GALNT6: variants seen among roughly 807,000 people sequenced by gnomAD.
GALNT6 encodes the protein GalNAc transferase 6.
Under a neutral mutation model 65.9 loss-of-function variants are expected in GALNT6, and 51 were observed. The observed-to-expected ratio is 0.77, with a 90% confidence interval of 0.62 to 0.98. The LOEUF (loss-of-function observed/expected upper bound fraction) is 0.98. GALNT6 is among the 50% of genes least tolerant of loss of function. The pLI is 0.00. For synonymous variants in GALNT6, 323 were observed against 315.1 expected (o/e 1.02, Z -0.26); for missense variants, 708 against 803.3 (o/e 0.88, Z 1.43).
chr12:51,366,184 C>T (rs1947098001), intron 4 of GALNT6, among the ~76,000 whole-genome samples: 1 of 152,222 alleles, frequency 6.6e-6, no homozygotes, highest in African/African-American at 2.4e-5. Context: ...TCCCAAAGTT[C>T]TGGGATTACA....
At chr12:51,367,126 G>A (rs910817117) in intron 4 of GALNT6, among the ~76,000 whole-genome samples, 3 of 152,076 alleles carry the variant, frequency 2.0e-5, no homozygotes, top group Non-Finnish European at 2.9e-5. Context: ...AGCTGGGCAC[G>A]CATGCTTGTA....
At chr12:51,371,861 T>C (rs1947303919) in intron 4 of GALNT6, among the ~76,000 whole-genome samples, 1 of 151,802 alleles carries the variant, frequency 6.6e-6, no homozygotes, top group Admixed American at 6.6e-5. Context: ...ACAGTCCTGT[T>C]TGTGTGTGTG....
chr12:51,374,427 G>C (rs1006545473), intron 4 of GALNT6, among the ~76,000 whole-genome samples: 1 of 152,178 alleles, frequency 6.6e-6, no homozygotes, highest in African/African-American at 2.4e-5. Context: ...TCTTCCCTGG[G>C]AAGATGTGAG....
In GALNT6 at chr12:51,364,302, T is replaced by C; in HGVS notation, c.868A>G (p.Lys290Glu). 6.2e-7 allele frequency: 1 copy of C among 1,614,206 alleles called. No homozygotes were observed. Among genetic ancestry groups the C allele is most frequent in the Non-Finnish European group, 8.5e-7 (1 of 1,180,030 alleles). ...ATGTCTGGGCTCACCACCACTGTCT[T>C]GTCCTCAGCGATTCGAGCCAGGAGG... Reference protein sequence around the residue: ...EPLLARIAEDKTVVVSPDIVT... With the variant: ...EPLLARIAEDETVVVSPDIVT... The change falls in exon 6 of 12, where the codon AAG becomes GAG. Residue 290 changes from lysine (K) to glutamate (E), a missense_variant. Coordinates refer to ENST00000356317, the MANE Select transcript of GALNT6 (RefSeq NM_007210.4).
At chr12:51,389,896 C>T (rs1244807910) in intron 2 of GALNT6, among the ~76,000 whole-genome samples, 2 of 152,186 alleles carry the variant, frequency 1.3e-5, no homozygotes, top group Non-Finnish European at 2.9e-5. Flanking sequence ...TCAGCTGTTC[C>T]ACCCACTGTA....
Position 51,379,349 on chromosome 12 carries a change from A to C in GALNT6, c.433T>G (p.Phe145Val). The C allele has an allele frequency of 1.3e-6, 2 of 1,540,398 alleles. No individual in the cohort carries two copies. The highest frequency in any genetic ancestry group is 1.7e-6 in the Non-Finnish European group (2 of 1,147,316). ...TGCAGGGAGATCCGGTCGCTGGCAA[A>C]GGCATTGAAACAGTGCTTCTTATAG... is the stretch of plus-strand genomic sequence containing the variant. ...EGYKKHCFNA[F>V]ASDRISLQRS... is the part of the protein sequence containing the mutation. Residue 145 changes from phenylalanine (F) to valine (V), a missense_variant, in exon 3 of 12, where the codon TTT becomes GTT. By Grantham distance (50) the Phe-to-Val change is conservative. Coordinates refer to ENST00000356317, the MANE Select transcript of GALNT6 (RefSeq NM_007210.4).
At chr12:51,390,156 C>CTTTTTTTT (rs796243349) in intron 2 of GALNT6, among the ~76,000 whole-genome samples, 1 of 116,302 alleles carries the variant, frequency 8.6e-6, no homozygotes, top group Non-Finnish European at 1.7e-5. Flanking sequence ...TTCTTTCTTT[C>CTTTTTTTT]TTTTTTTTTT....
intron 4 of GALNT6, among the ~76,000 whole-genome samples, chr12:51,376,620 C>T (rs906407325): frequency 5.8e-5 from 7 of 120,698 alleles, no homozygotes; most frequent in Admixed American, 3.0e-4. Flanking sequence ...GCAACAAGAG[C>T]GAAACTCCAT....
intron 2 of GALNT6, chr12:51,382,270 T>A (rs1341927420): frequency 6.6e-6 from 1 of 152,086 alleles, no homozygotes; most frequent in African/African-American, 2.4e-5. Context: ...CCCTCAAGGA[T>A]CCTACAGTCA....
At chr12:51,391,247 G>A (rs904246151) in intron 1 of GALNT6, 40 bp downstream of exon 1, 2 of 153,082 alleles carry the variant, frequency 1.3e-5, no homozygotes, top group African/African-American at 4.8e-5. Context: ...GTGAGGGGAA[G>A]AGGGTGTGGA....
rs554661184 is a variant in GALNT6, at chr12:51,375,437, C to T, written c.664+1758G>A. Among the ~76,000 whole-genome samples, 5 of 152,272 alleles carry T rather than the reference C, an allele frequency of 3.3e-5. No individual in the cohort carries two copies. The South Asian group carries it at 1.0e-3, about 32-fold the overall frequency. ...ACTCCATGGTGCATTGTTCTCGTAC[C>T]ATGAATAAAATGGAATGCATGCTTG... On this transcript the variant is annotated intron_variant, in intron 4 of 11. Transcript: ENST00000356317.
Position 51,373,279 on chromosome 12 carries a change from G to A in GALNT6, c.664+3916C>T, listed in dbSNP as rs150849652. On this transcript the variant is annotated intron_variant, in intron 4 of 11. Transcript: ENST00000356317. ...CCTCACCCAAATCTCATCTTGAGTC[G>A]TAGGTCCCATAATCCCCACATGTGA... 7.5e-3 allele frequency among the ~76,000 whole-genome samples: 1,145 copies of A among 152,248 alleles called. 12 individuals carry two copies. Among genetic ancestry groups the A allele is most frequent in the African/African-American group, 0.026 (1,098 of 41,534 alleles).
chr12:51,365,150 G>A (rs1172982044), intron 5 of GALNT6, among the ~76,000 whole-genome samples: 2 of 152,212 alleles, frequency 1.3e-5, no homozygotes, highest in African/African-American at 2.4e-5. Flanking sequence ...AGGTGCAGAT[G>A]GGAGTACAGG....
At position 51,364,159 on chromosome 12, in the gene GALNT6, A is replaced by G; in HGVS notation, c.1011T>C (p.His337=). ...TTTCATCCTTGCGCCTCTGCTTCTC[A>G]TGTGGAGGAAGTGTTTCCCAGCCGA... The part of the protein sequence containing the change: ...LTFGWETLPP[H]EKQRRKDETY... Residue 337 remains histidine, a synonymous_variant, in exon 6 of 12, where the codon CAT becomes CAC. Coordinates refer to ENST00000356317, the MANE Select transcript of GALNT6 (RefSeq NM_007210.4). 6.2e-7 allele frequency: 1 copy of G among 1,614,076 alleles called. No individual in the cohort carries two copies. Among genetic ancestry groups the G allele is most frequent in the Non-Finnish European group, 8.5e-7 (1 of 1,179,974 alleles).
At chr12:51,377,041 C>T (rs771769063) in intron 4 of GALNT6, among the ~76,000 whole-genome samples, 154 bp downstream of exon 4, 1 of 152,220 alleles carries the variant, frequency 6.6e-6, no homozygotes, top group Non-Finnish European at 1.5e-5. Context: ...CCTGCCCCTA[C>T]CTGACTTCTT....
chr12:51,365,851 G>A (rs1036057256), intron 4 of GALNT6, among the ~76,000 whole-genome samples: 13 of 152,146 alleles, frequency 8.5e-5, no homozygotes, highest in African/African-American at 2.7e-4. Flanking sequence ...GTTCACCTGG[G>A]CACCCTCTCT....
rs746991123 is a variant in GALNT6 at position 51,355,821 on chromosome 12, T to A, written c.1740A>T (p.Glu580Asp). ...ACTGACTCACCTGGGCCAATTCCCA[T>A]TCCTCGTCCTTGGGGACCTGGCTAT... Reference protein sequence around the residue: ...GKNSQVPKDEEWELAQDQLIR... With the variant: ...GKNSQVPKDEDWELAQDQLIR... The change falls in exon 11 of 12, where the codon GAA becomes GAT. Residue 580 changes from glutamate to aspartate, a missense_variant. By Grantham distance (45) the Glu-to-Asp change is conservative. Coordinates refer to ENST00000356317, the MANE Select transcript of GALNT6 (RefSeq NM_007210.4). 3 of 1,613,094 alleles carry A rather than the reference T, an allele frequency of 1.9e-6. No homozygotes were observed. The East Asian group carries it at 6.7e-5, about 36-fold the overall frequency.
intron 7 of GALNT6, chr12:51,359,937 T>C (rs1056156264): frequency 6.6e-6 from 1 of 152,208 alleles, no homozygotes; most frequent in Admixed American, 6.5e-5. Context: ...TTTCTTCTTT[T>C]GGGTTTTAGG....
chr12:51,382,866 T>C (rs2137783452), intron 2 of GALNT6, among the ~76,000 whole-genome samples: 1 of 152,260 alleles, frequency 6.6e-6, no homozygotes, highest in East Asian at 1.9e-4. Context: ...TGGGACAGTT[T>C]ACCCCGTCTG....
Sources: gnomAD v4.1 joint callset for allele counts (sites outside exome capture counted in the v4.1 genomes callset) on GRCh38, gnomAD v4.1.1 for gene constraint, MANE v1.5 for transcripts, NCBI Gene and HGNC (gene_info 2026-07-23, HGNC 2026-07-21) for gene names.